Variants in GRIP1 observed in about 807,000 individuals in gnomAD.
GRIP1 encodes glutamate receptor-interacting protein 1.
GRIP1 carries 45 observed loss-of-function variants against 129.9 expected under a neutral mutation model. That is an observed-to-expected ratio of 0.35 (90% CI 0.27 to 0.44). GRIP1 has a LOEUF of 0.44. GRIP1 is among the 20% of genes least tolerant of loss of function. GRIP1 has a pLI of 1.00. For missense variants in GRIP1, 1,196 were observed against 1,396.8 expected (o/e 0.86, Z 2.29); for synonymous variants, 530 against 520.8 (o/e 1.02, Z -0.24).
chr12:66,460,955 C>T (rs770790924), intron 9 of GRIP1, among the ~76,000 whole-genome samples: 1 of 152,136 alleles, frequency 6.6e-6, no homozygotes, highest in African/African-American at 2.4e-5. Flanking sequence ...AACGGAAACA[C>T]CTGCTTGATA....
chr12:66,946,785 T>TGGGGG (rs537292136), intron 1 of GRIP1, among the ~76,000 whole-genome samples: 1 of 26,854 alleles, frequency 3.7e-5, no homozygotes, highest in African/African-American at 1.5e-4. Context: ...GGGTGGGGGA[T>TGGGGG]GGGGGGGGTG....
intron 1 of GRIP1, among the ~76,000 whole-genome samples, chr12:66,620,980 A>T (rs2065245119): frequency 6.6e-6 from 1 of 152,226 alleles, no homozygotes; most frequent in Non-Finnish European, 1.5e-5. Flanking sequence ...GAGGCAAAAG[A>T]TAATGAATAA....
chr12:66,506,235 T>G (rs1402275053), intron 7 of GRIP1, among the ~76,000 whole-genome samples: 3 of 152,104 alleles, frequency 2.0e-5, no homozygotes, highest in Non-Finnish European at 2.9e-5. Flanking sequence ...AAGACAAATA[T>G]TAGAATGTTC....
chr12:66,740,344 C>T (rs112589278), intron 1 of GRIP1, among the ~76,000 whole-genome samples: 2 of 152,238 alleles, frequency 1.3e-5, no homozygotes, highest in African/African-American at 4.8e-5. Context: ...CACCCCTGTC[C>T]GTGCCTATGA....
At chr12:66,468,949 CA>C (rs1382117986) in intron 7 of GRIP1, among the ~76,000 whole-genome samples, 2 of 152,088 alleles carry the variant, frequency 1.3e-5, no homozygotes, top group Non-Finnish European at 2.9e-5. Context: ...CAACTTGCCC[CA>C]TTAAGGCTTG....
intron 1 of GRIP1, among the ~76,000 whole-genome samples, chr12:67,023,755 C>T (rs2042900881): frequency 6.6e-6 from 1 of 152,116 alleles, no homozygotes; most frequent in South Asian, 2.1e-4. Context: ...CACCCTCACA[C>T]TAATAGTGGC....
At chr12:66,621,324 T>C (rs551097363) in intron 1 of GRIP1, among the ~76,000 whole-genome samples, 5 of 152,328 alleles carry the variant, frequency 3.3e-5, no homozygotes, top group African/African-American at 1.2e-4. Flanking sequence ...TGAATTTGCC[T>C]ATTCTAGGCA....
intron 1 of GRIP1, among the ~76,000 whole-genome samples, chr12:66,878,844 T>C (rs1023518097): frequency 6.6e-6 from 1 of 152,012 alleles, no homozygotes. Flanking sequence ...AATTTTAGAA[T>C]GTCCAGAGAA....
intron 1 of GRIP1, among the ~76,000 whole-genome samples, chr12:66,726,428 T>C (rs1223830646): frequency 6.6e-6 from 1 of 152,164 alleles, no homozygotes; most frequent in Admixed American, 6.6e-5. Flanking sequence ...AAAATGGAAA[T>C]GACTGCCCTA....
chr12:67,026,669 C>CA (rs2042945613), intron 1 of GRIP1, among the ~76,000 whole-genome samples: 1 of 152,174 alleles, frequency 6.6e-6, no homozygotes, highest in African/African-American at 2.4e-5. Flanking sequence ...CACATGTTAA[C>CA]ATGCCCTCAA....
chr12:66,502,410 A>C (rs1452500795), intron 7 of GRIP1, among the ~76,000 whole-genome samples: 1 of 152,188 alleles, frequency 6.6e-6, no homozygotes, highest in South Asian at 2.1e-4. Context: ...TATATTCTAC[A>C]GTATTTTGTA....
At chr12:66,518,603 T>C (rs559769342) in intron 5 of GRIP1, among the ~76,000 whole-genome samples, 1 of 152,302 alleles carries the variant, frequency 6.6e-6, no homozygotes, top group Admixed American at 6.5e-5. Context: ...GAAGGTAATT[T>C]ATTGTAAATT....
At chr12:67,057,461 G>A (rs1267057591) in intron 1 of GRIP1, among the ~76,000 whole-genome samples, 2 of 147,726 alleles carry the variant, frequency 1.4e-5, no homozygotes, top group Non-Finnish European at 3.0e-5. Flanking sequence ...AAAAACTCCT[G>A]TTGTTTAAGC....
Position 66,534,859 on chromosome 12 carries a change from A to G in GRIP1, c.418+4219T>C, listed in dbSNP as rs148358753. ...CTGGCGCCCACCACCATGCCTGGCT[A>G]ATTTTTGTGTTTTTAGTAGATACAG... is the stretch of plus-strand genomic sequence containing the variant. On this transcript the variant is annotated intron_variant, in intron 4 of 24. Transcript: ENST00000359742. Among the ~76,000 whole-genome samples the G allele has an allele frequency of 3.9e-5, 6 of 151,976 alleles. No homozygotes were observed. In the East Asian group the frequency reaches 1.2e-3, roughly 29 times the overall value.
chr12:66,628,749 G>GT (rs1301810659), intron 1 of GRIP1, among the ~76,000 whole-genome samples: 3 of 152,212 alleles, frequency 2.0e-5, no homozygotes, highest in Non-Finnish European at 4.4e-5. Flanking sequence ...GCACCTAGTG[G>GT]TTAGAGGCCG....
chr12:67,065,538 C>A (rs2043610146), intron 1 of GRIP1, among the ~76,000 whole-genome samples: 1 of 152,040 alleles, frequency 6.6e-6, no homozygotes, highest in Non-Finnish European at 1.5e-5. Context: ...TTTGTTAAAT[C>A]TAAATATAAA....
At chr12:66,804,349 C>A (rs12304058), upstream of GRIP1, among the ~76,000 whole-genome samples, 9,478 of 151,660 alleles carry the variant, frequency 0.062, 1,005 homozygotes, top group African/African-American at 0.22. Context: ...CTTTGGCCAT[C>A]GGAGGGGAAA....
In GRIP1 at chr12:66,773,474, G is replaced by A. The variant is rs567661419; in HGVS notation, c.-420+30579C>T. 5.9e-5 allele frequency among the ~76,000 whole-genome samples: 9 copies of A among 152,198 alleles called. No individual in the cohort carries two copies. The East Asian group carries it at 9.7e-4, about 16-fold the overall frequency. ...ACACAGGAACAGAAAACCAAACACC[G>A]CATGTTCTTGCTCATAAGTGGGAGT... On this transcript the variant is annotated intron_variant, in intron 1 of 4. Transcript: ENST00000538373.
intron 1 of GRIP1, among the ~76,000 whole-genome samples, chr12:66,799,608 G>C (rs2038801746): frequency 6.6e-6 from 1 of 152,092 alleles, no homozygotes; most frequent in African/African-American, 2.4e-5. Flanking sequence ...CACAGACTGA[G>C]GAAGGCAAGA....
Sources: allele counts gnomAD v4.1 joint callset (sites outside exome capture counted in the v4.1 genomes callset), GRCh38; gene constraint gnomAD v4.1.1; transcripts MANE v1.5; gene names NCBI Gene and HGNC (gene_info 2026-07-23, HGNC 2026-07-21).